TULP3: variants seen among roughly 807,000 people sequenced by gnomAD.
TULP3 encodes the protein tubby-related protein 3.
A neutral mutation model predicts 50.7 loss-of-function variants in TULP3; 38 were observed. The ratio of observed to expected loss-of-function variants is 0.75; its 90% CI spans 0.58 to 0.98. TULP3 has a LOEUF of 0.98. Ranked by LOEUF, TULP3 falls within the 50% of genes least tolerant of loss-of-function variation. The probability of loss-of-function intolerance (pLI) is 0.00; values close to 1 mark genes in which losing one functional copy is unlikely to be tolerated. For synonymous variants in TULP3, 183 were observed against 196.6 expected, an observed-to-expected ratio of 0.93 and a Z score of 0.58; for missense variants, 550 against 568.0, an observed-to-expected ratio of 0.97 and a Z score of 0.32.
chr12:2,921,968 A>G (rs1045373198), intron 3 of TULP3, among the ~76,000 whole-genome samples: 3 of 152,120 alleles, frequency 2.0e-5, no homozygotes, highest in African/African-American at 7.2e-5. Context: ...CTGTAGTCCC[A>G]GCTACTCGGG....
At position 2,937,200 on chromosome 12, in the gene TULP3, A is replaced by ATTTTTTTTTTTTTTTTTTTTTTTTTTTTT. The variant is rs771074689; in HGVS notation, c.925-428_925-400dup. Among the ~76,000 whole-genome samples, 2 of 54,446 alleles carry ATTTTTTTTTTTTTTTTTTTTTTTTTTTTT rather than the reference A, an allele frequency of 3.7e-5. 1 individual carries two copies. The highest frequency in any genetic ancestry group is 6.2e-5 in the Non-Finnish European group (2 of 32,476). 35.7% of individuals were successfully genotyped at this position (54,446 alleles called of 152,430 possible). A position where few individuals can be genotyped will look rare whatever the true frequency, so the allele number is the denominator to read the frequency against. On this transcript the variant is annotated intron_variant, in intron 8 of 10. Coordinates refer to ENST00000448120, the MANE Select transcript of TULP3 (RefSeq NM_003324.5). The stretch of plus-strand genomic sequence containing the variant: ...AATAAAATTATTTTTGGTACACCTG[A>ATTTTTTTTTTTTTTTTTTTTTTTTTTTTT]TTTTTTTTTTTTTTTTTTTTTTTTT...
At position 2,937,970 on chromosome 12, in the gene TULP3, A is replaced by T. The variant is rs191477332; in HGVS notation, c.1024-144A>T. The T allele has an allele frequency of 1.6e-3, 1,619 of 996,978 alleles. 1 individual carries two copies. The highest frequency in any genetic ancestry group is 2.7e-3 in the East Asian group (106 of 39,152). 61.8% of individuals were successfully genotyped at this position (996,978 alleles called of 1,614,324 possible). ...ATGCTGGATGATGTAGAATAATTTT[A>T]AAAAAAACCTGTCTTCATTGTTGGC... On this transcript the variant is annotated intron_variant, in intron 9 of 10. Transcript: ENST00000448120.
intron 1 of TULP3, among the ~76,000 whole-genome samples, chr12:2,899,711 G>A (rs956233302): frequency 7.2e-5 from 11 of 151,946 alleles, no homozygotes; most frequent in Non-Finnish European, 1.5e-4. Context: ...GGCTAACACA[G>A]TGAAACCCTG....
chr12:2,898,267 G>A (rs1329073326), intron 1 of TULP3, among the ~76,000 whole-genome samples: 3 of 152,076 alleles, frequency 2.0e-5, no homozygotes, highest in East Asian at 3.9e-4. Flanking sequence ...CATAGCACAC[G>A]TCTCTAAATG....
At chr12:2,895,747 G>A (rs565558818) in intron 1 of TULP3, among the ~76,000 whole-genome samples, 1 of 152,226 alleles carries the variant, frequency 6.6e-6, no homozygotes. Flanking sequence ...GTCATTAGTG[G>A]ATTTTGTTGT....
chr12:2,899,099 A>G (rs2098177279), intron 1 of TULP3, among the ~76,000 whole-genome samples: 1 of 152,132 alleles, frequency 6.6e-6, no homozygotes, highest in Non-Finnish European at 1.5e-5. Context: ...TAATCCCAGC[A>G]CTTTGAGAGG....
At chr12:2,899,406 A>G (rs1166671378) in intron 1 of TULP3, among the ~76,000 whole-genome samples, 2 of 151,798 alleles carry the variant, frequency 1.3e-5, no homozygotes, top group Non-Finnish European at 2.9e-5. Context: ...ACAAAAACTG[A>G]CGGCAGGCCA....
intron 2 of TULP3, among the ~76,000 whole-genome samples, chr12:2,912,980 T>TC (rs11448407): frequency 0.19 from 25,081 of 134,752 alleles, 2,377 homozygotes; most frequent in South Asian, 0.28. Flanking sequence ...TTTTTTTTTT[T>TC]TTTTCTTCTT....
In TULP3 at chr12:2,940,146, T is replaced by C; in HGVS notation, c.*702T>C. 1 of 1,297,064 alleles carries C rather than the reference T, an allele frequency of 7.7e-7. No homozygotes were observed. Among genetic ancestry groups the C allele is most frequent in the Non-Finnish European group, 1.0e-6 (1 of 994,382 alleles). 80.3% of individuals were successfully genotyped at this position (1,297,064 alleles called of 1,614,324 possible). A position where few individuals can be genotyped will look rare whatever the true frequency, so the allele number is the denominator to read the frequency against. On this transcript the variant is annotated 3_prime_UTR_variant, in exon 11 of 11. Transcript: ENST00000448120. ...TGAAAGCATAAACTCTAGAGGTGAC[T>C]CAGTCAGGACTGACAGTAATGTGAT...
At chr12:2,927,976 G>A (rs78697333) in intron 4 of TULP3, among the ~76,000 whole-genome samples, 3,165 of 152,136 alleles carry the variant, frequency 0.021, 99 homozygotes, top group Admixed American at 0.074. Context: ...TCTGAGGCTC[G>A]TCACTCTTTC....
chr12:2,907,963 T>C (rs2098183326), intron 1 of TULP3, among the ~76,000 whole-genome samples: 1 of 152,208 alleles, frequency 6.6e-6, no homozygotes, highest in East Asian at 1.9e-4. Context: ...TTTTTAAACA[T>C]GAAGGTCATG....
At chr12:2,920,531 C>T (rs1420108905) in intron 2 of TULP3, among the ~76,000 whole-genome samples, 1 of 151,912 alleles carries the variant, frequency 6.6e-6, no homozygotes, top group Non-Finnish European at 1.5e-5. Context: ...AAAAAAGCAT[C>T]ATCTGATTTT....
rs1275758572 is a variant in TULP3 at position 2,922,420 on chromosome 12, T to C, written c.394+18T>C. 1 of 1,598,964 alleles carries C rather than the reference T, an allele frequency of 6.3e-7. No homozygotes were observed. The highest frequency in any genetic ancestry group is 8.5e-7 in the Non-Finnish European group (1 of 1,176,062). On this transcript the variant is annotated intron_variant, in intron 4 of 10. Coordinates refer to ENST00000448120, the MANE Select transcript of TULP3 (RefSeq NM_003324.5). ...AAAGCATGGTGAGGACTGGTAATGA[T>C]TTTAAGGCAATTTGTCTCCTTACTC...
chr12:2,940,087 A>C lies in TULP3; in HGVS notation c.*643A>C. 1 of 1,289,604 alleles carries C rather than the reference A, an allele frequency of 7.8e-7. No homozygotes were observed. Among genetic ancestry groups the C allele is most frequent in the Non-Finnish European group, 1.0e-6 (1 of 989,042 alleles). 79.9% of individuals were successfully genotyped at this position (1,289,604 alleles called of 1,614,324 possible). The stretch of plus-strand genomic sequence containing the variant: ...TCACATTTGTGATCAATTATGTGAG[A>C]ATTTTATATAATTGTCTTCATTTCA... On this transcript the variant is annotated 3_prime_UTR_variant, in exon 11 of 11. Transcript: ENST00000448120.
At chr12:2,903,593 G>T (rs1180186110) in intron 1 of TULP3, among the ~76,000 whole-genome samples, 2 of 151,112 alleles carry the variant, frequency 1.3e-5, no homozygotes, top group Admixed American at 6.6e-5. Flanking sequence ...AGAAAAAAAT[G>T]AAATTTGCTG....
intron 1 of TULP3, among the ~76,000 whole-genome samples, chr12:2,902,815 A>G (rs2098179993): frequency 6.6e-6 from 1 of 151,866 alleles, no homozygotes; most frequent in Admixed American, 6.6e-5. Context: ...TTCATTCCCT[A>G]GAAATACTGT....
intron 4 of TULP3, among the ~76,000 whole-genome samples, chr12:2,928,532 A>G (rs2098195965): frequency 6.6e-6 from 1 of 152,082 alleles, no homozygotes; most frequent in South Asian, 2.1e-4. Flanking sequence ...CTCCATCTCA[A>G]AAAAAATAAA....
At chr12:2,918,768 G>T (rs947710844) in intron 2 of TULP3, among the ~76,000 whole-genome samples, 1 of 151,780 alleles carries the variant, frequency 6.6e-6, no homozygotes, top group Non-Finnish European at 1.5e-5. Context: ...TTGAACTCCC[G>T]ACCTCAGGTG....
At chr12:2,916,937 G>C (rs1278490219) in intron 2 of TULP3, among the ~76,000 whole-genome samples, 2 of 152,156 alleles carry the variant, frequency 1.3e-5, no homozygotes, top group East Asian at 3.9e-4. Context: ...TTGTCTGTAA[G>C]TAGATAGAGA....
Sources: gnomAD v4.1 joint callset for allele counts (sites outside exome capture counted in the v4.1 genomes callset) on GRCh38, gnomAD v4.1.1 for gene constraint, MANE v1.5 for transcripts, NCBI Gene and HGNC (gene_info 2026-07-23, HGNC 2026-07-21) for gene names.